The following DGKB variants were observed in gnomAD, a reference collection of about 807,000 sequenced individuals.
DGKB encodes 90 kDa diacylglycerol kinase.
Under a neutral mutation model 114.3 loss-of-function variants are expected in DGKB, and 67 were observed. The ratio of observed to expected loss-of-function variants is 0.59; its 90% CI spans 0.48 to 0.72. The LOEUF is 0.72. DGKB is among the 30% of genes least tolerant of loss of function. The pLI, the probability that DGKB is intolerant of heterozygous loss-of-function variation, is 0.00. For synonymous variants in DGKB, 398 were observed against 323.1 expected (o/e 1.23, Z -2.49); for missense variants, 907 against 975.2 (o/e 0.93, Z 0.93).
chr7:14,300,997 T>C (rs1803448360), intron 23 of DGKB, among the ~76,000 whole-genome samples: 1 of 152,076 alleles, frequency 6.6e-6, no homozygotes, highest in African/African-American at 2.4e-5. Flanking sequence ...GATTTTAGCT[T>C]TCCTACACTA....
intron 4 of DGKB, among the ~76,000 whole-genome samples, chr7:14,749,850 T>G (rs2128429860): frequency 6.6e-6 from 1 of 152,328 alleles, no homozygotes; most frequent in South Asian, 2.1e-4. Flanking sequence ...CTTACTTGTA[T>G]GTTCACTTTT....
At chr7:14,522,035 G>C (rs1331435543) in intron 20 of DGKB, among the ~76,000 whole-genome samples, 2 of 151,980 alleles carry the variant, frequency 1.3e-5, no homozygotes, top group Non-Finnish European at 2.9e-5. Flanking sequence ...TTATTTTTAA[G>C]CTTTGCGTCC....
Position 14,481,525 on chromosome 7 carries a change from G to A in DGKB, c.1771-3300C>T, listed in dbSNP as rs1034292980. On this transcript the variant is annotated intron_variant, in intron 20 of 25. Coordinates refer to ENST00000402815, the MANE Select transcript of DGKB (RefSeq NM_001350709.2). ...TCACAAATAGTTTCTAAAATTTGTC[G>A]AGTAAATTGTTCATTTTTGATGATT... 4.6e-5 allele frequency among the ~76,000 whole-genome samples: 7 copies of A among 151,734 alleles called. No homozygotes were observed. In the South Asian group the frequency reaches 1.0e-3, roughly 22 times the overall value.
intron 18 of DGKB, 110 bp downstream of exon 18, chr7:14,582,942 A>G: frequency 1.3e-6 from 1 of 791,610 alleles, no homozygotes. Flanking sequence ...CAGATGTCCA[A>G]TTATATCACT....
intron 23 of DGKB, among the ~76,000 whole-genome samples, chr7:14,240,296 T>C (rs1793449817): frequency 6.6e-6 from 1 of 152,098 alleles, no homozygotes; most frequent in Non-Finnish European, 1.5e-5. Context: ...TGTACGATCA[T>C]TATGTAGTAC....
intron 2 of DGKB, among the ~76,000 whole-genome samples, chr7:14,831,511 A>G (rs1474312954): frequency 6.6e-6 from 1 of 152,014 alleles, no homozygotes; most frequent in African/African-American, 2.4e-5. Context: ...CAGATTCCCT[A>G]AATTTGGGGA....
rs774505680 is a variant in DGKB, at chr7:14,682,637, G to A, written c.951C>T (p.Cys317=). The change falls in exon 12 of 26, where the codon TGC becomes TGT. Residue 317 remains cysteine, a synonymous_variant. Coordinates refer to ENST00000402815, the MANE Select transcript of DGKB (RefSeq NM_001350709.2). ...TGTGGCACTTATCACACTTGGTTGG[G>A]CAGTTACCTTCAACCCAGTAATGGT... ...VMHHYWVEGN[C]PTKCDKCHKT... is the part of the protein sequence containing the mutation. 1.6e-5 allele frequency: 26 copies of A among 1,613,414 alleles called. No individual in the cohort carries two copies. Among genetic ancestry groups the A allele is most frequent in the Non-Finnish European group, 2.0e-5 (24 of 1,179,492 alleles).
At chr7:14,886,329 C>A (rs372557748) in intron 1 of DGKB, among the ~76,000 whole-genome samples, 1 of 151,818 alleles carries the variant, frequency 6.6e-6, no homozygotes, top group African/African-American at 2.4e-5. Context: ...AGTTTTGATA[C>A]TATTCTTGAG....
At chr7:14,702,565 T>A (rs1024524764) in intron 6 of DGKB, among the ~76,000 whole-genome samples, 1 of 151,932 alleles carries the variant, frequency 6.6e-6, no homozygotes, top group Non-Finnish European at 1.5e-5. Flanking sequence ...AATTCACACA[T>A]CCCCAGGAGG....
At chr7:14,945,498 C>T (rs1471732453) in intron 1 of DGKB, among the ~76,000 whole-genome samples, 1 of 151,810 alleles carries the variant, frequency 6.6e-6, no homozygotes, top group Non-Finnish European at 1.5e-5. Flanking sequence ...ATATTAAAAA[C>T]TGATCTGGTT....
At chr7:14,909,234 C>T (rs967110255) in intron 1 of DGKB, among the ~76,000 whole-genome samples, 1 of 152,060 alleles carries the variant, frequency 6.6e-6, no homozygotes, top group Non-Finnish European at 1.5e-5. Flanking sequence ...AAAGCCAATT[C>T]GTTTCATCCT....
intron 14 of DGKB, among the ~76,000 whole-genome samples, chr7:14,622,745 A>C (rs1273347462): frequency 6.6e-6 from 1 of 151,924 alleles, no homozygotes; most frequent in African/African-American, 2.4e-5. Flanking sequence ...ACAAAAGCCA[A>C]ACTCATCCCT....
rs56960247 is a variant in DGKB at position 14,259,076 on chromosome 7, A to T, written c.2122+79439T>A. ...ACTTTCCTTGTTGAACATGGTTTAA[A>T]AAAAAGCCTTGAACACTCATCTCTG... is the stretch of plus-strand genomic sequence containing the variant. On this transcript the variant is annotated intron_variant, in intron 23 of 25. Coordinates refer to ENST00000402815, the MANE Select transcript of DGKB (RefSeq NM_001350709.2). 1.3e-3 allele frequency among the ~76,000 whole-genome samples: 205 copies of T among 152,270 alleles called. 9 individuals are homozygous for T. The East Asian group carries it at 0.032, about 23-fold the overall frequency.
chr7:14,420,543 A>C (rs559828250), intron 21 of DGKB, among the ~76,000 whole-genome samples: 2 of 152,124 alleles, frequency 1.3e-5, no homozygotes, highest in South Asian at 4.1e-4. Context: ...TTTTCTCTGT[A>C]CTTCTGAAGT....
intron 20 of DGKB, among the ~76,000 whole-genome samples, chr7:14,487,797 G>C (rs937726518): frequency 1.3e-5 from 2 of 150,146 alleles, no homozygotes; most frequent in African/African-American, 4.9e-5. Context: ...TTAGAGATGA[G>C]AGATGAGGTC....
intron 2 of DGKB, among the ~76,000 whole-genome samples, chr7:14,819,987 A>T (rs1231775374): frequency 6.6e-6 from 1 of 152,150 alleles, no homozygotes; most frequent in African/African-American, 2.4e-5. Context: ...CACAATCCAT[A>T]TTGTGTTTTG....
intron 1 of DGKB, among the ~76,000 whole-genome samples, chr7:14,931,618 T>C (rs913305657): frequency 2.6e-5 from 4 of 152,122 alleles, no homozygotes; most frequent in East Asian, 1.9e-4. Flanking sequence ...ACAGTCCCCA[T>C]AGCCACAGCT....
chr7:14,740,350 C>G (rs1278961368), intron 4 of DGKB, among the ~76,000 whole-genome samples: 1 of 151,770 alleles, frequency 6.6e-6, no homozygotes, highest in Non-Finnish European at 1.5e-5. Context: ...TTGCACCAAC[C>G]TAGTAACACA....
intron 21 of DGKB, among the ~76,000 whole-genome samples, chr7:14,351,196 A>G (rs1021113126): frequency 1.3e-5 from 2 of 152,202 alleles, no homozygotes; most frequent in Non-Finnish European, 2.9e-5. Context: ...TCACTTTTTC[A>G]TTGCCAAGAA....
Sources: gnomAD v4.1 joint callset for allele counts (sites outside exome capture counted in the v4.1 genomes callset) on GRCh38, gnomAD v4.1.1 for gene constraint, MANE v1.5 for transcripts, NCBI Gene and HGNC (gene_info 2026-07-23, HGNC 2026-07-21) for gene names.